UGGT2: variants seen among roughly 807,000 people sequenced by gnomAD.
UGGT2 encodes the protein UDP-glucose glycoprotein glucosyltransferase 2.
UGGT2 carries 180 observed loss-of-function variants against 192.1 expected under a neutral mutation model. That is an observed-to-expected ratio of 0.94 (90% CI 0.83 to 1.06). UGGT2 has a LOEUF of 1.06. Among genes scored for constraint, UGGT2 ranks in the 50% least tolerant of loss-of-function variants. The pLI is 0.00. For synonymous variants in UGGT2, 580 were observed against 591.0 expected (o/e 0.98, Z 0.27); for missense variants, 1,849 against 1,795.7 (o/e 1.03, Z -0.54).
intron 38 of UGGT2, among the ~76,000 whole-genome samples, chr13:95,817,152 C>A (rs1325744002): frequency 6.6e-6 from 1 of 151,944 alleles, no homozygotes; most frequent in African/African-American, 2.4e-5. Context: ...AAACTGTAAG[C>A]TTAAAATTGG....
chr13:95,855,108 A>T (rs1889457962), intron 34 of UGGT2, among the ~76,000 whole-genome samples: 1 of 31,288 alleles, frequency 3.2e-5, no homozygotes, highest in Non-Finnish European at 7.0e-5. Flanking sequence ...CCTGTCTGTA[A>T]AAAAAAAAAA....
At chr13:95,988,200 T>C (rs1234073792) in intron 8 of UGGT2, among the ~76,000 whole-genome samples, 1 of 152,132 alleles carries the variant, frequency 6.6e-6, no homozygotes, top group African/African-American at 2.4e-5. Context: ...CCCTCAATCA[T>C]GCCTGTCTCT....
intron 17 of UGGT2, among the ~76,000 whole-genome samples, chr13:95,929,014 G>A (rs759350106): frequency 4.3e-4 from 66 of 152,208 alleles, no homozygotes; most frequent in Non-Finnish European, 1.2e-4. Flanking sequence ...CCAACACAGC[G>A]AAACCCCGTC....
intron 33 of UGGT2, 123 bp downstream of exon 33, chr13:95,859,468 A>C: frequency 2.5e-6 from 2 of 790,768 alleles, no homozygotes; most frequent in Non-Finnish European, 4.0e-6. Context: ...CTACATAAAA[A>C]TACTAAATAC....
chr13:95,835,905 G>T (rs1424353876), intron 37 of UGGT2, among the ~76,000 whole-genome samples: 2 of 152,102 alleles, frequency 1.3e-5, no homozygotes, highest in African/African-American at 4.8e-5. Flanking sequence ...TAAGAAAAAA[G>T]CATGTATGAT....
intron 36 of UGGT2, among the ~76,000 whole-genome samples, chr13:95,847,133 A>G (rs1185938665): frequency 1.4e-5 from 1 of 70,722 alleles, no homozygotes; most frequent in Non-Finnish European, 3.0e-5. Flanking sequence ...TTTTTTCTAA[A>G]TTAAAAATTT....
intron 2 of UGGT2, among the ~76,000 whole-genome samples, chr13:96,028,544 T>G (rs973045378): frequency 2.6e-5 from 4 of 152,220 alleles, no homozygotes; most frequent in African/African-American, 7.2e-5. Flanking sequence ...TCTTGAAGCA[T>G]CAATAAATAT....
intron 1 of UGGT2, among the ~76,000 whole-genome samples, chr13:96,045,199 G>A (rs1205665711): frequency 6.6e-6 from 1 of 152,118 alleles, no homozygotes; most frequent in Non-Finnish European, 1.5e-5. Context: ...GTCAATAAAT[G>A]TGATACACCA....
chr13:96,051,669 G>A (rs747291623), intron 1 of UGGT2, among the ~76,000 whole-genome samples: 31 of 151,364 alleles, frequency 2.0e-4, no homozygotes, highest in Non-Finnish European at 3.8e-4. Flanking sequence ...TCAAAAAGTG[G>A]GCTAAGGACA....
intron 25 of UGGT2, among the ~76,000 whole-genome samples, chr13:95,889,826 C>T (rs17189895): frequency 3.9e-5 from 6 of 151,968 alleles, no homozygotes; most frequent in Non-Finnish European, 4.4e-5. Context: ...AGCCAGCCTG[C>T]GGACATTCTG....
chr13:95,814,080 T>G (rs1183131239), intron 38 of UGGT2, among the ~76,000 whole-genome samples: 1 of 152,092 alleles, frequency 6.6e-6, no homozygotes, highest in African/African-American at 2.4e-5. Flanking sequence ...GCTGCAAGGG[T>G]AGAGTCTTAG....
intron 1 of UGGT2, among the ~76,000 whole-genome samples, chr13:96,046,943 GT>G (rs1035651693): frequency 3.9e-5 from 6 of 152,212 alleles, no homozygotes; most frequent in Non-Finnish European, 8.8e-5. Context: ...CATTGCTGAG[GT>G]TTGAGTAGGT....
chr13:95,931,436 G>A (rs1023964746), intron 17 of UGGT2, among the ~76,000 whole-genome samples: 7 of 152,256 alleles, frequency 4.6e-5, no homozygotes, highest in Admixed American at 1.3e-4. Context: ...ACCTTGCACC[G>A]GCACTCCTCA....
At chr13:95,854,500 G>A (rs892313680) in intron 34 of UGGT2, 25 bp from the exon 35 acceptor site, 5 of 1,556,590 alleles carry the variant, frequency 3.2e-6, no homozygotes, top group Non-Finnish European at 4.3e-6. Context: ...TAGACTGTCT[G>A]ATAAAGACTG....
intron 34 of UGGT2, 35 bp from the exon 35 acceptor site, chr13:95,854,510 G>C: frequency 6.6e-7 from 1 of 1,526,612 alleles, no homozygotes; most frequent in South Asian, 1.3e-5. Context: ...GATAAAGACT[G>C]TAAAATAACA....
chr13:95,894,148 T>C (rs1439541913), intron 24 of UGGT2, among the ~76,000 whole-genome samples: 2 of 152,112 alleles, frequency 1.3e-5, no homozygotes, highest in African/African-American at 2.4e-5. Flanking sequence ...TCCTTTGAAC[T>C]CTCGCGCATG....
chr13:95,889,769 T>C (rs935806400), intron 25 of UGGT2, among the ~76,000 whole-genome samples: 1 of 152,236 alleles, frequency 6.6e-6, no homozygotes, highest in Admixed American at 6.5e-5. Flanking sequence ...TCCAGGTTAA[T>C]GCAGGACTTG....
rs1343732246 is a variant in UGGT2 at position 95,927,265 on chromosome 13, A to G, written c.2049T>C (p.Asn683=). Reference sequence around the variant, plus strand: ...GCTGGTTAGTACGCAAAATCAAAGTATTTATACGGGGTACAACATTATTCC... The same window carrying G: ...GCTGGTTAGTACGCAAAATCAAAGTGTTTATACGGGGTACAACATTATTCC... ...MDRNNVVPRI[N]TLILRTNQQY... is the part of the protein sequence containing the mutation. The change falls in exon 18 of 39, where the codon AAT becomes AAC. Residue 683 remains asparagine, a synonymous_variant. Coordinates refer to ENST00000376747, the MANE Select transcript of UGGT2 (RefSeq NM_020121.4). The G allele has an allele frequency of 3.1e-6, 5 of 1,612,498 alleles. No individual in the cohort carries two copies. Among genetic ancestry groups the G allele is most frequent in the African/African-American group, 1.3e-5 (1 of 74,890 alleles).
At chr13:96,017,341 C>T (rs1406178211) in intron 4 of UGGT2, among the ~76,000 whole-genome samples, 1 of 152,158 alleles carries the variant, frequency 6.6e-6, no homozygotes, top group African/African-American at 2.4e-5. Context: ...TGTTGAAATG[C>T]AATTCCCAGG....
Sources: gnomAD v4.1 joint callset for allele counts (sites outside exome capture counted in the v4.1 genomes callset) on GRCh38, gnomAD v4.1.1 for gene constraint, MANE v1.5 for transcripts, NCBI Gene and HGNC (gene_info 2026-07-23, HGNC 2026-07-21) for gene names.